Variants in PAPPA observed in about 807,000 individuals in gnomAD.
PAPPA encodes the protein pappalysin-1.
PAPPA carries 60 observed loss-of-function variants against 164.0 expected under a neutral mutation model. The observed-to-expected ratio is 0.37, with a 90% CI of 0.30 to 0.45. The LOEUF is 0.45. Among genes scored for constraint, PAPPA ranks in the 20% least tolerant of loss-of-function variants. The probability of loss-of-function intolerance (pLI) is 1.00; values close to 1 mark genes in which losing one functional copy is unlikely to be tolerated. For missense variants in PAPPA, 1,782 were observed against 2,087.3 expected, an observed-to-expected ratio of 0.85 and a Z score of 2.85; for synonymous variants, 875 against 814.1, an observed-to-expected ratio of 1.07 and a Z score of -1.27.
intron 6 of PAPPA, 147 bp downstream of exon 6, chr9:116,227,699 C>T (rs967081328): frequency 3.3e-5 from 27 of 827,990 alleles, no homozygotes; most frequent in African/African-American, 1.9e-4. Context: ...AGTAGTCAAG[C>T]GCTCATCCAT....
At chr9:116,293,878 C>T (rs1845468661) in intron 9 of PAPPA, among the ~76,000 whole-genome samples, 1 of 152,082 alleles carries the variant, frequency 6.6e-6, no homozygotes, top group Non-Finnish European at 1.5e-5. Context: ...TCACTTGAAC[C>T]CACGGAGGTT....
At chr9:116,368,103 G>C (rs959881249) in intron 19 of PAPPA, among the ~76,000 whole-genome samples, 4 of 152,208 alleles carry the variant, frequency 2.6e-5, no homozygotes, top group Non-Finnish European at 4.4e-5. Context: ...ACCTGAGTCT[G>C]TCTGGCTGGA....
At chr9:116,266,503 A>G (rs1319425573) in intron 8 of PAPPA, among the ~76,000 whole-genome samples, 3 of 152,240 alleles carry the variant, frequency 2.0e-5, no homozygotes, top group Non-Finnish European at 4.4e-5. Flanking sequence ...AACTCACTAC[A>G]ATGTTTAAAC....
chr9:116,337,704 C>T (rs188460590), intron 13 of PAPPA, among the ~76,000 whole-genome samples: 2 of 151,962 alleles, frequency 1.3e-5, no homozygotes, highest in South Asian at 2.1e-4. Flanking sequence ...TCTCTCTCTC[C>T]CCCGCCCCCC....
At chr9:116,192,537 G>A (rs1055756631) in intron 2 of PAPPA, among the ~76,000 whole-genome samples, 18 of 152,046 alleles carry the variant, frequency 1.2e-4, no homozygotes, top group Non-Finnish European at 1.6e-4. Flanking sequence ...GTGCCAGCCC[G>A]ATCACTGCCC....
At chr9:116,248,164 G>A (rs775905181) in intron 7 of PAPPA, among the ~76,000 whole-genome samples, 56 of 152,190 alleles carry the variant, frequency 3.7e-4, no homozygotes, top group Admixed American at 2.0e-4. Context: ...ACTCTACCAG[G>A]AGTTGCTATG....
intron 11 of PAPPA, 70 bp downstream of exon 11, chr9:116,331,427 C>G: frequency 2.2e-6 from 2 of 909,800 alleles, no homozygotes. Context: ...TCCCATGACC[C>G]TTTCTGAAGA....
At chr9:116,173,325 C>T (rs1367265300) in intron 1 of PAPPA, among the ~76,000 whole-genome samples, 2 of 152,186 alleles carry the variant, frequency 1.3e-5, no homozygotes, top group Non-Finnish European at 2.9e-5. Flanking sequence ...ATTTCACCCT[C>T]TTCATTAATG....
intron 9 of PAPPA, among the ~76,000 whole-genome samples, chr9:116,290,245 A>T (rs1845419054): frequency 6.6e-6 from 1 of 152,086 alleles, no homozygotes; most frequent in South Asian, 2.1e-4. Flanking sequence ...TGAGGCACAC[A>T]CTTTACCTTC....
In PAPPA at chr9:116,285,146, CT is replaced by C. The variant is rs1845317685; in HGVS notation, c.2953+13735del. 2.3e-5 allele frequency among the ~76,000 whole-genome samples: 3 copies of C among 128,264 alleles called. No homozygotes were observed. In the South Asian group the frequency reaches 7.7e-4, roughly 33 times the overall value. 84.1% of individuals were successfully genotyped at this position (128,264 alleles called of 152,430 possible). ...TTTCTTTTCTTTTTCTTTTTTCTTTCTTTTTCTTTTTCTTTTCTTTCTTTCT... is the reference window on the plus strand; with the variant it reads ...TTTCTTTTCTTTTTCTTTTTTCTTTCTTTTCTTTTTCTTTTCTTTCTTTCT... On this transcript the variant is annotated intron_variant, in intron 9 of 21. Coordinates refer to ENST00000328252, the MANE Select transcript of PAPPA (RefSeq NM_002581.5).
At chr9:116,251,679 G>T (rs1288981432) in intron 7 of PAPPA, among the ~76,000 whole-genome samples, 1 of 152,202 alleles carries the variant, frequency 6.6e-6, no homozygotes. Context: ...TGGTCAGCTT[G>T]TCACAAGCCC....
chr9:116,188,449 A>G (rs1037944202), intron 2 of PAPPA, among the ~76,000 whole-genome samples: 1 of 152,152 alleles, frequency 6.6e-6, no homozygotes, highest in African/African-American at 2.4e-5. Flanking sequence ...GAAGCCTGAG[A>G]GCCCTGTTTT....
At chr9:116,238,685 A>G (rs449737) in intron 7 of PAPPA, among the ~76,000 whole-genome samples, 152,207 of 152,282 alleles carry the variant, frequency 1, 76,066 homozygotes, top group Non-Finnish European at 1. Flanking sequence ...CTATGTGTCA[A>G]GCACAAGGGC....
At position 116,371,974 on chromosome 9, in the gene PAPPA, T is replaced by C. The variant is rs564432210; in HGVS notation, c.4605+4220T>C. 8.5e-4 allele frequency among the ~76,000 whole-genome samples: 129 copies of C among 152,354 alleles called. 5 individuals carry two copies. The South Asian group carries it at 0.026, about 31-fold the overall frequency. On this transcript the variant is annotated intron_variant, in intron 19 of 21. Coordinates refer to ENST00000328252, the MANE Select transcript of PAPPA (RefSeq NM_002581.5). ...GTTTTGCTTATTTGTAAACTTCATA[T>C]AATTAGAAATCATGAGGCATTTTCA...
chr9:116,162,279 G>A (rs1273374315), intron 1 of PAPPA, among the ~76,000 whole-genome samples: 1 of 152,080 alleles, frequency 6.6e-6, no homozygotes, highest in Non-Finnish European at 1.5e-5. Flanking sequence ...GAATTTCATG[G>A]GATCTGTTAG....
intron 17 of PAPPA, 123 bp downstream of exon 17, chr9:116,353,916 C>T: frequency 1.6e-6 from 1 of 644,400 alleles, no homozygotes; most frequent in Non-Finnish European, 2.6e-6. Context: ...ATTTTCCTAC[C>T]CGCAATACTG....
intron 10 of PAPPA, among the ~76,000 whole-genome samples, chr9:116,330,940 T>G (rs1845983203): frequency 6.6e-6 from 1 of 152,134 alleles, no homozygotes; most frequent in South Asian, 2.1e-4. Context: ...CCCTTCCTCT[T>G]ATCACTGCCC....
intron 4 of PAPPA, 101 bp from the exon 5 acceptor site, chr9:116,219,836 C>G (rs1844420053): frequency 1.1e-6 from 1 of 934,978 alleles, no homozygotes. Context: ...CAAGGAACGA[C>G]TTGGGTGCTG....
In PAPPA at chr9:116,187,332, C is replaced by A; in HGVS notation, c.594C>A (p.Tyr198Ter). 6.2e-7 allele frequency: 1 copy of A among 1,614,118 alleles called. No homozygotes were observed. The highest frequency in any genetic ancestry group is 8.5e-7 in the Non-Finnish European group (1 of 1,180,020). Reference sequence around the variant, plus strand: ...GCTACCTCCCAGGCCAGTGGGTATACCTAGCTGCCACCTATGATGGGCAGT... The same window carrying A: ...GCTACCTCCCAGGCCAGTGGGTATAACTAGCTGCCACCTATGATGGGCAGT... The part of the protein sequence containing the change: ...HRSYLPGQWV[Y>*]LAATYDGQFM... Residue 198 changes from tyrosine to a stop codon, truncating the protein, a stop_gained, in exon 2 of 22, where the codon TAC becomes TAA. Transcript: ENST00000328252. LOFTEE classifies it high-confidence loss of function. The surrounding 1 kb of genome is among the most constrained non-coding windows in gnomAD (Gnocchi z 4.2).
Sources: allele counts gnomAD v4.1 joint callset (sites outside exome capture counted in the v4.1 genomes callset), GRCh38; gene constraint gnomAD v4.1.1; non-coding constraint Gnocchi (gnomAD v3.1); transcripts MANE v1.5; gene names NCBI Gene and HGNC (gene_info 2026-07-23, HGNC 2026-07-21).